Variants in MRPS25 observed in about 807,000 individuals in gnomAD.
The protein encoded by MRPS25 is small ribosomal subunit protein mS25.
Under a neutral mutation model 17.3 loss-of-function variants are expected in MRPS25, and 15 were observed. The ratio of observed to expected loss-of-function variants is 0.87; its 90% CI spans 0.58 to 1.34. The LOEUF (loss-of-function observed/expected upper bound fraction) is 1.34, where lower values mean the gene tolerates loss of function less well. Among genes scored for constraint, MRPS25 ranks in the 40% most tolerant of loss-of-function variants. The pLI is 0.00. For synonymous variants in MRPS25, 94 were observed against 83.3 expected, an observed-to-expected ratio of 1.13 and a Z score of -0.70; for missense variants, 225 against 218.6, an observed-to-expected ratio of 1.03 and a Z score of -0.19.
rs939550 is a variant in MRPS25, at chr3:15,065,292, C to A, written c.-98G>T. 4.2e-4 allele frequency: 598 copies of A among 1,426,734 alleles called. No individual in the cohort carries two copies. Among genetic ancestry groups the A allele is most frequent in the Middle Eastern group, 9.2e-4 (5 of 5,446 alleles). 88.4% of individuals were successfully genotyped at this position (1,426,734 alleles called of 1,614,324 possible). ...CGCGCGGATCTCACGCGGCTTCTCC[C>A]CAGAGCCAGGTTCCACTTCCCGCGC... On this transcript the variant is annotated 5_prime_UTR_variant, in exon 1 of 4. Transcript: ENST00000253686.
At position 15,050,919 on chromosome 3, in the gene MRPS25, C is replaced by T; in HGVS notation, c.*1522G>A. 1 of 985,426 alleles carries T rather than the reference C, an allele frequency of 1.0e-6. No homozygotes were observed. The highest frequency in any genetic ancestry group is 1.2e-6 in the Non-Finnish European group (1 of 829,948). The allele number at this position is 985,426 out of a possible 1,614,324, so 61.0% of individuals were successfully genotyped here. A position where few individuals can be genotyped will look rare whatever the true frequency, so the allele number is the denominator to read the frequency against. ...ACATCGTAGTATGACATCATTTCAC[C>T]AGCCAGCTACTTCATGTGGCAGAAA... On this transcript the variant is annotated 3_prime_UTR_variant, in exon 4 of 4. Transcript: ENST00000253686.
chr3:15,050,205 G>C lies in MRPS25; in HGVS notation c.*2236C>G. 3.4e-6 allele frequency: 4 copies of C among 1,178,860 alleles called. No individual in the cohort carries two copies. The highest frequency in any genetic ancestry group is 4.2e-6 in the Non-Finnish European group (4 of 952,414). The allele number at this position is 1,178,860 out of a possible 1,614,324, so 73.0% of individuals were successfully genotyped here. ...TTTCCACAAATTATCTGCTGCCTGT[G>C]AAGCTGGCCACACAGGCAGTAACTG... On this transcript the variant is annotated 3_prime_UTR_variant, in exon 4 of 4. Transcript: ENST00000253686.
chr3:15,060,741 C>T lies in MRPS25; in HGVS notation c.135-1266G>A, dbSNP rs140888668. On this transcript the variant is annotated intron_variant, in intron 1 of 3. Transcript: ENST00000253686. ...ACTAAAAATACAAAAAATTAGCCGG[C>T]GTGGTGGCGGGCACTTGTAGTCCCA... Among the ~76,000 whole-genome samples the T allele has an allele frequency of 2.6e-3, 396 of 151,990 alleles. 1 individual carries two copies. The highest frequency in any genetic ancestry group is 9.0e-3 in the African/African-American group (373 of 41,448).
Position 15,062,396 on chromosome 3 carries a change from G to A in MRPS25, c.134+2665C>T, listed in dbSNP as rs866400940. 2.7e-4 allele frequency among the ~76,000 whole-genome samples: 26 copies of A among 95,396 alleles called. 1 individual carries two copies. Among genetic ancestry groups the A allele is most frequent in the African/African-American group, 7.5e-4 (18 of 23,932 alleles). 62.6% of individuals were successfully genotyped at this position (95,396 alleles called of 152,430 possible). The stretch of plus-strand genomic sequence containing the variant: ...AGGCCGCCCCGTCCGGGAGGGAGGT[G>A]GGGGGTCAGCCCCCCGCCCGGCCAG... On this transcript the variant is annotated intron_variant, in intron 1 of 3. Coordinates refer to ENST00000253686, the MANE Select transcript of MRPS25 (RefSeq NM_022497.5).
At position 15,051,971 on chromosome 3, in the gene MRPS25, G is replaced by A; in HGVS notation, c.*470C>T. The A allele has an allele frequency of 2.0e-6, 2 of 986,974 alleles. No homozygotes were observed. Among genetic ancestry groups the A allele is most frequent in the Non-Finnish European group, 2.4e-6 (2 of 831,078 alleles). 61.1% of individuals were successfully genotyped at this position (986,974 alleles called of 1,614,324 possible). On this transcript the variant is annotated 3_prime_UTR_variant, in exon 4 of 4. Transcript: ENST00000253686. Reference sequence around the variant, plus strand: ...TGGATTTCTGAAAAATACCCCCAAGGAACTGAACGGAGGGGTGTACACACT... The same window carrying A: ...TGGATTTCTGAAAAATACCCCCAAGAAACTGAACGGAGGGGTGTACACACT...
At chr3:15,044,474 T>C (rs961003604), downstream of MRPS25, 14 of 152,208 alleles carry the variant, frequency 9.2e-5, no homozygotes, top group African/African-American at 2.9e-4. Flanking sequence ...AAGGAAGTTA[T>C]GTCTAACTTC....
rs2042572676 is a variant in MRPS25 at position 15,049,635 on chromosome 3, A to G, written c.*2806T>C. On this transcript the variant is annotated 3_prime_UTR_variant, in exon 4 of 4. Transcript: ENST00000253686. Reference sequence around the variant, plus strand: ...AAATTGGCAAGCTTATTCTCTAAGGATACGTGCTATCAAGGGCAAAAACAA... The same window carrying G: ...AAATTGGCAAGCTTATTCTCTAAGGGTACGTGCTATCAAGGGCAAAAACAA... 1 of 520,770 alleles carries G rather than the reference A, an allele frequency of 1.9e-6. No homozygotes were observed. The highest frequency in any genetic ancestry group is 3.3e-6 in the Non-Finnish European group (1 of 300,454). 32.3% of individuals were successfully genotyped at this position (520,770 alleles called of 1,614,324 possible).
At chr3:15,055,124 C>A (rs1482819094) in intron 2 of MRPS25, among the ~76,000 whole-genome samples, 1 of 152,188 alleles carries the variant, frequency 6.6e-6, no homozygotes, top group Admixed American at 6.5e-5. Context: ...TTTTAAACAG[C>A]CAGATCGCAA....
chr3:15,059,340 C>A (rs998643493), intron 2 of MRPS25, 29 bp downstream of exon 2: 14 of 1,465,074 alleles, frequency 9.6e-6, no homozygotes, highest in Non-Finnish European at 1.2e-5. Context: ...CTGGGACAGC[C>A]CCTGGACCAT....
chr3:15,043,870 A>G (rs969186485), downstream of MRPS25: 3 of 152,262 alleles, frequency 2.0e-5, no homozygotes, highest in Admixed American at 2.0e-4. Context: ...TGAGATGTAC[A>G]GTTCCTCCAG....
At position 15,062,960 on chromosome 3, in the gene MRPS25, CTTGT is replaced by C. The variant is rs1453933306; in HGVS notation, c.134+2097_134+2100del. Among the ~76,000 whole-genome samples the C allele has an allele frequency of 2.6e-5, 4 of 151,650 alleles. No individual in the cohort carries two copies. In the East Asian group the frequency reaches 7.7e-4, roughly 29 times the overall value. ...TAGGAAAACCAGAGACCTTTGTTCA[CTTGT>C]TTATCTGCTGACCTTCCCTCCACTA... On this transcript the variant is annotated intron_variant, in intron 1 of 3. Coordinates refer to ENST00000253686, the MANE Select transcript of MRPS25 (RefSeq NM_022497.5).
At chr3:15,059,576 T>A in intron 1 of MRPS25, 101 bp from the exon 2 acceptor site, 1 of 809,150 alleles carries the variant, frequency 1.2e-6, no homozygotes, top group South Asian at 1.5e-5. Context: ...TTTCATCAGA[T>A]TCTCAGAGGA....
intron 2 of MRPS25, among the ~76,000 whole-genome samples, chr3:15,057,627 A>G (rs1482135684): frequency 1.3e-5 from 2 of 152,210 alleles, no homozygotes; most frequent in Non-Finnish European, 2.9e-5. Context: ...AGGGAAATTA[A>G]CCAGAAAGTG....
In MRPS25 at chr3:15,051,058, A is replaced by G. The variant is rs1413605858; in HGVS notation, c.*1383T>C. On this transcript the variant is annotated 3_prime_UTR_variant, in exon 4 of 4. Coordinates refer to ENST00000253686, the MANE Select transcript of MRPS25 (RefSeq NM_022497.5). Reference sequence around the variant, plus strand: ...ATGAAAACTTCAGTCCTGCTCTGTCAAGCACCACTGTCCTTTTTTAATTCT... The same window carrying G: ...ATGAAAACTTCAGTCCTGCTCTGTCGAGCACCACTGTCCTTTTTTAATTCT... The G allele has an allele frequency of 1.0e-6, 1 of 983,710 alleles. No individual in the cohort carries two copies. The highest frequency in any genetic ancestry group is 1.2e-6 in the Non-Finnish European group (1 of 828,480). The allele number at this position is 983,710 out of a possible 1,614,324, so 60.9% of individuals were successfully genotyped here.
chr3:15,052,253 T>C lies in MRPS25; in HGVS notation c.*188A>G, dbSNP rs1320909905. 2.9e-6 allele frequency: 4 copies of C among 1,358,076 alleles called. No homozygotes were observed. The highest frequency in any genetic ancestry group is 3.8e-6 in the Non-Finnish European group (4 of 1,057,272). The allele number at this position is 1,358,076 out of a possible 1,614,324, so 84.1% of individuals were successfully genotyped here. On this transcript the variant is annotated 3_prime_UTR_variant, in exon 4 of 4. Transcript: ENST00000253686. The stretch of plus-strand genomic sequence containing the variant: ...TTGACCAGCAGAGCAGGGATATTCA[T>C]TTAGCAGCTCAGCTTCAGACCCTCC...
chr3:15,057,554 A>G (rs149045838), intron 2 of MRPS25, among the ~76,000 whole-genome samples: 42 of 152,358 alleles, frequency 2.8e-4, no homozygotes, highest in African/African-American at 9.6e-4. Flanking sequence ...TTCTAGTTAC[A>G]TGACATTCTA....
intron 3 of MRPS25, 183 bp downstream of exon 3, chr3:15,053,197 G>A (rs998175213): frequency 7.4e-7 from 1 of 1,350,262 alleles, no homozygotes. Flanking sequence ...GCTTACAGAG[G>A]TTTAATGATT....
In MRPS25 at chr3:15,052,069, A is replaced by T. The variant is rs2042612923; in HGVS notation, c.*372T>A. The T allele has an allele frequency of 9.9e-7, 1 of 1,014,244 alleles. No individual in the cohort carries two copies. Among genetic ancestry groups the T allele is most frequent in the Non-Finnish European group, 1.2e-6 (1 of 848,456 alleles). 62.8% of individuals were successfully genotyped at this position (1,014,244 alleles called of 1,614,324 possible). On this transcript the variant is annotated 3_prime_UTR_variant, in exon 4 of 4. Coordinates refer to ENST00000253686, the MANE Select transcript of MRPS25 (RefSeq NM_022497.5). ...GTTCTCCAGAGTAGAGCCCAGAGGAAGATTCAAAGCCAGCGGAGACCAGTA... is the reference window on the plus strand; with the variant it reads ...GTTCTCCAGAGTAGAGCCCAGAGGATGATTCAAAGCCAGCGGAGACCAGTA...
intron 1 of MRPS25, among the ~76,000 whole-genome samples, chr3:15,062,030 G>A (rs186534934): frequency 0.14 from 20,308 of 145,350 alleles, 1,791 homozygotes; most frequent in Non-Finnish European, 0.19. Context: ...CAGCCGCCCC[G>A]TCCGGGAGGG....
Sources: allele counts gnomAD v4.1 joint callset (sites outside exome capture counted in the v4.1 genomes callset), GRCh38; gene constraint gnomAD v4.1.1; transcripts MANE v1.5; gene names NCBI Gene and HGNC (gene_info 2026-07-23, HGNC 2026-07-21).